REEP3: variants seen among roughly 807,000 people sequenced by gnomAD.
REEP3 encodes receptor expression-enhancing protein 3.
REEP3 carries 20 observed loss-of-function variants against 41.3 expected under a neutral mutation model. The observed-to-expected ratio is 0.48, with a 90% CI of 0.34 to 0.70. REEP3 has a LOEUF of 0.70. Among genes scored for constraint, REEP3 ranks in the 30% least tolerant of loss-of-function variants. The pLI is 0.01. For synonymous variants in REEP3, 104 were observed against 101.8 expected, an observed-to-expected ratio of 1.02 and a Z score of -0.13; for missense variants, 271 against 308.8, an observed-to-expected ratio of 0.88 and a Z score of 0.92.
At chr10:63,573,215 C>T (rs758243134) in intron 2 of REEP3, among the ~76,000 whole-genome samples, 1 of 152,186 alleles carries the variant, frequency 6.6e-6, no homozygotes, top group Non-Finnish European at 1.5e-5. Context: ...TTCCTTTCTT[C>T]CTTTGCCTAT....
At chr10:63,585,355 C>T (rs1274882125) in intron 2 of REEP3, among the ~76,000 whole-genome samples, 1 of 152,056 alleles carries the variant, frequency 6.6e-6, no homozygotes, top group East Asian at 1.9e-4. Context: ...TATATATGAT[C>T]TCTGGAAGGA....
At chr10:63,603,609 C>A (rs866407403) in intron 5 of REEP3, among the ~76,000 whole-genome samples, 2 of 152,042 alleles carry the variant, frequency 1.3e-5, no homozygotes, top group African/African-American at 4.8e-5. Flanking sequence ...AGCCCATATC[C>A]CCTAAATGAA....
Position 63,624,782 on chromosome 10 carries a change from G to C in REEP3, c.*3913G>C, listed in dbSNP as rs1956383952. ...ATTGTTAAATTTGGATGTTAGAAAG[G>C]AAAGATAGGAAAAACAATGAGTACA... On this transcript the variant is annotated 3_prime_UTR_variant, in exon 8 of 8. Coordinates refer to ENST00000373758, the MANE Select transcript of REEP3 (RefSeq NM_001001330.3). 1 of 152,076 alleles carries C rather than the reference G, an allele frequency of 6.6e-6. No individual in the cohort carries two copies. Among genetic ancestry groups the C allele is most frequent in the Admixed American group, 6.5e-5 (1 of 15,274 alleles). The allele number at this position is 152,076 out of a possible 1,614,324, so 9.4% of individuals were successfully genotyped here. A position where few individuals can be genotyped will look rare whatever the true frequency, so the allele number is the denominator to read the frequency against.
chr10:63,529,742 A>G (rs1262610856), intron 1 of REEP3, among the ~76,000 whole-genome samples: 1 of 150,938 alleles, frequency 6.6e-6, no homozygotes, highest in Non-Finnish European at 1.5e-5. Flanking sequence ...TGCTGGGATT[A>G]CAGCTGTGAG....
intron 1 of REEP3, among the ~76,000 whole-genome samples, chr10:63,548,445 G>A (rs1896994): frequency 0.99 from 150,031 of 152,306 alleles, 73,933 homozygotes; most frequent in Middle Eastern, 1. Context: ...ATTTAAAGAA[G>A]AGCTTTTTTA....
At chr10:63,553,310 A>G (rs188028196) in intron 1 of REEP3, among the ~76,000 whole-genome samples, 1 of 152,236 alleles carries the variant, frequency 6.6e-6, no homozygotes, top group Non-Finnish European at 1.5e-5. Flanking sequence ...AGAAATATGA[A>G]AATAGAATGT....
chr10:63,547,506 G>T (rs1242997280), intron 1 of REEP3, among the ~76,000 whole-genome samples: 5 of 152,094 alleles, frequency 3.3e-5, no homozygotes, highest in Admixed American at 1.3e-4. Flanking sequence ...CATAGGAAAA[G>T]GTGCTCTCAC....
intron 2 of REEP3, among the ~76,000 whole-genome samples, chr10:63,587,507 G>A (rs866266514): frequency 2.6e-4 from 40 of 152,288 alleles, no homozygotes; most frequent in Middle Eastern, 3.4e-3. Context: ...AGGCTAAGCC[G>A]CTATGATCAT....
intron 3 of REEP3, 102 bp from the exon 4 acceptor site, chr10:63,597,922 A>C: frequency 9.3e-7 from 1 of 1,070,586 alleles, no homozygotes. Context: ...AAAAAAAAAC[A>C]AAAAACAGCA....
intron 5 of REEP3, among the ~76,000 whole-genome samples, chr10:63,608,503 T>A (rs1372671790): frequency 3.3e-5 from 5 of 152,208 alleles, no homozygotes; most frequent in Non-Finnish European, 7.3e-5. Context: ...CCTTTGACTT[T>A]GAAATTTAGA....
At chr10:63,580,469 AG>A (rs1274473637) in intron 2 of REEP3, among the ~76,000 whole-genome samples, 2 of 152,226 alleles carry the variant, frequency 1.3e-5, no homozygotes, top group Non-Finnish European at 2.9e-5. Context: ...TTGAAAAGGA[AG>A]GAAGAAAAAT....
chr10:63,539,749 T>C (rs1955511184), intron 1 of REEP3, among the ~76,000 whole-genome samples: 1 of 152,306 alleles, frequency 6.6e-6, no homozygotes, highest in Non-Finnish European at 1.5e-5. Flanking sequence ...TATTATACCA[T>C]ATTTAAAAGC....
intron 2 of REEP3, among the ~76,000 whole-genome samples, chr10:63,583,076 C>T (rs995979978): frequency 6.6e-6 from 1 of 152,186 alleles, no homozygotes. Context: ...ACCTCCGCCT[C>T]CCGGGTTCAC....
Position 63,620,886 on chromosome 10 carries a change from T to A in REEP3, c.*17T>A. On this transcript the variant is annotated 3_prime_UTR_variant, in exon 8 of 8. Coordinates refer to ENST00000373758, the MANE Select transcript of REEP3 (RefSeq NM_001001330.3). The stretch of plus-strand genomic sequence containing the variant: ...TATTTTTAGTCATCTACACGTCAAA[T>A]ATCCCAAGACAGATTATGCTAAATA... 2 of 1,562,252 alleles carry A rather than the reference T, an allele frequency of 1.3e-6. No homozygotes were observed. The highest frequency in any genetic ancestry group is 1.8e-6 in the Non-Finnish European group (2 of 1,136,294).
chr10:63,568,588 A>C (rs557581602), intron 2 of REEP3, among the ~76,000 whole-genome samples: 4 of 151,948 alleles, frequency 2.6e-5, no homozygotes, highest in African/African-American at 9.6e-5. Flanking sequence ...TTATAAAATG[A>C]AATACTAATC....
chr10:63,535,845 A>G (rs557970018), intron 1 of REEP3, among the ~76,000 whole-genome samples: 4 of 152,350 alleles, frequency 2.6e-5, no homozygotes, highest in Non-Finnish European at 5.9e-5. Flanking sequence ...TAAATCGTAA[A>G]TGTATTATCT....
intron 2 of REEP3, among the ~76,000 whole-genome samples, chr10:63,587,039 T>C (rs530220687): frequency 6.6e-6 from 1 of 152,124 alleles, no homozygotes; most frequent in African/African-American, 2.4e-5. Flanking sequence ...TATATTTACT[T>C]GAAATATTGT....
intron 1 of REEP3, among the ~76,000 whole-genome samples, chr10:63,536,096 T>C (rs1955471614): frequency 6.6e-6 from 1 of 152,254 alleles, no homozygotes; most frequent in Non-Finnish European, 1.5e-5. Context: ...ACACAGGTAC[T>C]GCTGTTATGT....
At chr10:63,561,607 G>T (rs2133371218) in intron 1 of REEP3, among the ~76,000 whole-genome samples, 1 of 152,364 alleles carries the variant, frequency 6.6e-6, no homozygotes, top group South Asian at 2.1e-4. Flanking sequence ...CTTTAAGTGA[G>T]GCAGTGCTGC....
Sources: allele counts gnomAD v4.1 joint callset (sites outside exome capture counted in the v4.1 genomes callset), GRCh38; gene constraint gnomAD v4.1.1; transcripts MANE v1.5; gene names NCBI Gene and HGNC (gene_info 2026-07-23, HGNC 2026-07-21).